The following TRPM8 variants were observed in gnomAD, a reference collection of about 807,000 sequenced individuals.
TRPM8 encodes transient receptor potential cation channel subfamily M member 8, also known as TRPM8 cationic channel.
TRPM8 carries 110 observed loss-of-function variants against 133.7 expected under a neutral mutation model. The observed-to-expected ratio is 0.82, with a 90% CI of 0.70 to 0.96. The LOEUF is 0.96. Ranked by LOEUF, TRPM8 falls within the 40% of genes least tolerant of loss-of-function variation. The probability of loss-of-function intolerance (pLI) is 0.00; values close to 1 mark genes in which losing one functional copy is unlikely to be tolerated. For synonymous variants in TRPM8, 535 were observed against 532.3 expected, an observed-to-expected ratio of 1.01 and a Z score of -0.07; for missense variants, 1,291 against 1,379.5, an observed-to-expected ratio of 0.94 and a Z score of 1.02.
chr2:233,993,666 A>G (rs1692336840), intron 21 of TRPM8, among the ~76,000 whole-genome samples: 1 of 152,166 alleles, frequency 6.6e-6, no homozygotes, highest in African/African-American at 2.4e-5. Context: ...CCAAGTGGCC[A>G]CTTAAGCCAT....
chr2:234,010,801 AC>A (rs1213990892), intron 24 of TRPM8, among the ~76,000 whole-genome samples: 1 of 152,014 alleles, frequency 6.6e-6, no homozygotes, highest in Non-Finnish European at 1.5e-5. Flanking sequence ...CTAAGTTTTT[AC>A]CCACTTTTTA....
intron 24 of TRPM8, among the ~76,000 whole-genome samples, chr2:234,012,465 G>T (rs10182895): frequency 0.33 from 49,778 of 148,608 alleles, 8,648 homozygotes; most frequent in African/African-American, 0.44. Flanking sequence ...GTTTTTTTTT[G>T]TGTGTGTGAG....
At chr2:234,010,250 G>T (rs1463228068) in intron 24 of TRPM8, among the ~76,000 whole-genome samples, 1 of 152,136 alleles carries the variant, frequency 6.6e-6, no homozygotes, top group East Asian at 1.9e-4. Context: ...TCTGTGTCTG[G>T]CTAATTTTGT....
At position 233,945,980 on chromosome 2, in the gene TRPM8, C is replaced by A. The variant is rs917137108; in HGVS notation, c.824C>A (p.Ala275Glu). ...TGTCATGGACATCCCACTGTCGAAG[C>A]AAAGCTCCGGAATCAGCTAGAGAAG... ...NGCHGHPTVE[A>E]KLRNQLEKYI... The change falls in exon 7 of 26, where the codon GCA (alanine) becomes GAA (glutamate). Residue 275 changes from alanine (A) to glutamate (E), a missense_variant. Ala to Glu is a moderately radical substitution (Grantham distance 107, BLOSUM62 -1). Coordinates refer to ENST00000324695, the MANE Select transcript of TRPM8 (RefSeq NM_024080.5). 6.8e-6 allele frequency: 11 copies of A among 1,614,006 alleles called. No homozygotes were observed. The highest frequency in any genetic ancestry group is 9.3e-6 in the Non-Finnish European group (11 of 1,180,018).
chr2:233,925,757 A>T (rs4233636), intron 1 of TRPM8, among the ~76,000 whole-genome samples: 62,855 of 151,954 alleles, frequency 0.41, 18,430 homozygotes, highest in African/African-American at 0.81. Context: ...TTACTGTGTC[A>T]GCAGGACAAC....
chr2:233,939,839 AT>A (rs1690861461), intron 5 of TRPM8, among the ~76,000 whole-genome samples: 1 of 152,136 alleles, frequency 6.6e-6, no homozygotes, highest in South Asian at 2.1e-4. Context: ...AGGAATCATG[AT>A]CCTTAACCCC....
rs536994878 is a variant in TRPM8, at chr2:233,948,052, A to G, written c.942+897A>G. On this transcript the variant is annotated intron_variant, in intron 8 of 25. Transcript: ENST00000324695. Reference sequence around the variant, plus strand: ...TCATTTTTAACTCATCTTTTTCATGAATTTCCGCAATGATTTGCATATTCC... The same window carrying G: ...TCATTTTTAACTCATCTTTTTCATGGATTTCCGCAATGATTTGCATATTCC... Among the ~76,000 whole-genome samples, 6 of 152,270 alleles carry G rather than the reference A, an allele frequency of 3.9e-5. No individual in the cohort carries two copies. In the South Asian group the frequency reaches 1.2e-3, roughly 32 times the overall value.
Position 233,974,524 on chromosome 2 carries a change from G to A in TRPM8, c.2355+4098G>A, listed in dbSNP as rs989610592. Among the ~76,000 whole-genome samples the A allele has an allele frequency of 4.6e-5, 7 of 152,318 alleles. No homozygotes were observed. In the East Asian group the frequency reaches 1.4e-3, roughly 29 times the overall value. ...CGGGATTATAGGTGTGAGCCACTGCGCTCGGCCACCAAAAGGTTTTGACTG... is the reference window on the plus strand; with the variant it reads ...CGGGATTATAGGTGTGAGCCACTGCACTCGGCCACCAAAAGGTTTTGACTG... On this transcript the variant is annotated intron_variant, in intron 17 of 25. Coordinates refer to ENST00000324695, the MANE Select transcript of TRPM8 (RefSeq NM_024080.5).
chr2:234,008,463 C>G (rs1391537460), intron 24 of TRPM8, among the ~76,000 whole-genome samples: 5 of 152,204 alleles, frequency 3.3e-5, no homozygotes, highest in Admixed American at 2.6e-4. Context: ...CTAGTCTTTG[C>G]TGCCACTCTG....
intron 13 of TRPM8, among the ~76,000 whole-genome samples, chr2:233,964,073 C>T (rs1481609132): frequency 1.3e-5 from 2 of 152,130 alleles, no homozygotes; most frequent in African/African-American, 4.8e-5. Flanking sequence ...AAAAATTTTA[C>T]TTTGAATCAT....
At chr2:233,975,750 C>T (rs896741920) in intron 17 of TRPM8, among the ~76,000 whole-genome samples, 1 of 152,146 alleles carries the variant, frequency 6.6e-6, no homozygotes, top group African/African-American at 2.4e-5. Flanking sequence ...GGCATGGTGG[C>T]GCGTGCCTGT....
intron 22 of TRPM8, among the ~76,000 whole-genome samples, chr2:234,003,369 A>G (rs947957437): frequency 6.6e-6 from 1 of 152,220 alleles, no homozygotes; most frequent in African/African-American, 2.4e-5. Flanking sequence ...GACAATTTGG[A>G]TAAGTTGCGT....
chr2:233,936,900 T>TC (rs1336328508), intron 3 of TRPM8, among the ~76,000 whole-genome samples: 2 of 120,082 alleles, frequency 1.7e-5, no homozygotes, highest in Admixed American at 1.0e-4. Flanking sequence ...CCTTTTTTTT[T>TC]TTTTTTTTTT....
chr2:233,943,229 T>A (rs945130017), intron 6 of TRPM8, among the ~76,000 whole-genome samples: 1 of 152,032 alleles, frequency 6.6e-6, no homozygotes, highest in African/African-American at 2.4e-5. Flanking sequence ...CATTTAACAT[T>A]AGGTATATCT....
At position 233,960,799 on chromosome 2, in the gene TRPM8, G is replaced by T. The variant is rs1691414155; in HGVS notation, c.1386G>T (p.Met462Ile). The T allele has an allele frequency of 6.2e-7, 1 of 1,614,110 alleles. No individual in the cohort carries two copies. Among genetic ancestry groups the T allele is most frequent in the Non-Finnish European group, 8.5e-7 (1 of 1,180,002 alleles). Residue 462 changes from methionine (M) to isoleucine (I), a missense_variant, in exon 12 of 26, where the codon ATG becomes ATT. Met to Ile is a conservative substitution (Grantham distance 10, BLOSUM62 1). Coordinates refer to ENST00000324695, the MANE Select transcript of TRPM8 (RefSeq NM_024080.5). ...AGTCTGCTGACCTTCAAGAAGTCAT[G>T]TTTACGGCTCTCATAAAGGACAGAC... ...RWESADLQEV[M>I]FTALIKDRPK...
At chr2:233,943,286 G>A (rs546820698) in intron 6 of TRPM8, among the ~76,000 whole-genome samples, 2 of 152,090 alleles carry the variant, frequency 1.3e-5, no homozygotes, top group South Asian at 4.2e-4. Flanking sequence ...ACAGACCCTG[G>A]TGTGTGATGT....
Position 233,926,592 on chromosome 2 carries a change from G to T in TRPM8, c.55G>T (p.Asp19Tyr). 2.5e-6 allele frequency: 4 copies of T among 1,614,148 alleles called. No individual in the cohort carries two copies. Among genetic ancestry groups the T allele is most frequent in the African/African-American group, 1.3e-5 (1 of 75,012 alleles). Residue 19 changes from aspartate to tyrosine, a missense_variant, in exon 2 of 26, where the codon GAC becomes TAC. Around this residue, in one of 2 missense-constraint regions of TRPM8, gnomAD observed 963 missense variants for 968.9 expected, o/e 0.99. Coordinates refer to ENST00000324695, the MANE Select transcript of TRPM8 (RefSeq NM_024080.5). ...GAGGAACAGAAGGAATGACACTCTGGACAGCACCCGGACCCTGTACTCCAG... is the reference window on the plus strand; with the variant it reads ...GAGGAACAGAAGGAATGACACTCTGTACAGCACCCGGACCCTGTACTCCAG... ...SMRNRRNDTL[D>Y]STRTLYSSAS...
chr2:233,947,711 C>T lies in TRPM8; in HGVS notation c.942+556C>T, dbSNP rs28901645. On this transcript the variant is annotated intron_variant, in intron 8 of 25. Coordinates refer to ENST00000324695, the MANE Select transcript of TRPM8 (RefSeq NM_024080.5). Reference sequence around the variant, plus strand: ...ACTTCCCAGCCAATCTGTATGGACTCATTACTGAGTTCATCTTGCCTGCAG... The same window carrying T: ...ACTTCCCAGCCAATCTGTATGGACTTATTACTGAGTTCATCTTGCCTGCAG... 12,890 of 803,790 alleles carry T rather than the reference C, an allele frequency of 0.016. 1,196 individuals carry two copies. The African/African-American group carries it at 0.21, about 13-fold the overall frequency. The allele number at this position is 803,790 out of a possible 1,614,324, so 49.8% of individuals were successfully genotyped here.
At chr2:233,932,752 G>A (rs1691705186) in intron 3 of TRPM8, among the ~76,000 whole-genome samples, 1 of 151,922 alleles carries the variant, frequency 6.6e-6, no homozygotes, top group South Asian at 2.1e-4. Context: ...ATGCAAGGAT[G>A]CAGGATTCTA....
Sources: allele counts gnomAD v4.1 joint callset (sites outside exome capture counted in the v4.1 genomes callset), GRCh38; gene constraint gnomAD v4.1.1; regional missense constraint gnomAD v4.1.1; transcripts MANE v1.5; gene names NCBI Gene and HGNC (gene_info 2026-07-23, HGNC 2026-07-21).